STARD13: variants seen among roughly 807,000 people sequenced by gnomAD.
STARD13 encodes StAR related lipid transfer domain containing 13.
In STARD13, 62 loss-of-function variants were observed where a neutral mutation model predicts 106.4. That is an observed-to-expected ratio of 0.58 (90% CI 0.48 to 0.72). STARD13 has a LOEUF of 0.72. Among genes scored for constraint, STARD13 ranks in the 30% least tolerant of loss-of-function variants. STARD13 has a pLI of 0.00. For missense variants in STARD13, 1,387 were observed against 1,424.0 expected, an observed-to-expected ratio of 0.97 and a Z score of 0.42; for synonymous variants, 565 against 553.0, an observed-to-expected ratio of 1.02 and a Z score of -0.31.
At chr13:33,564,181 C>T in the STARD13 span, among the ~76,000 whole-genome samples, 1 of 131,456 alleles carries the variant, frequency 7.6e-6, no homozygotes, top group Non-Finnish European at 1.6e-5. Context: ...GCACTCCAGC[C>T]TGGCAACAGA....
At chr13:33,140,958 A>G (rs1217792861) in intron 4 of STARD13, among the ~76,000 whole-genome samples, 2 of 152,106 alleles carry the variant, frequency 1.3e-5, no homozygotes, top group Non-Finnish European at 2.9e-5. Context: ...GGGTTTCACC[A>G]TGTGGGTCAG....
the STARD13 span, among the ~76,000 whole-genome samples, chr13:33,491,107 ATGGGCAGGC>A: frequency 6.6e-6 from 1 of 152,230 alleles, no homozygotes; most frequent in Non-Finnish European, 1.5e-5. Flanking sequence ...CCAGTGGTAG[ATGGGCAGGC>A]TGTTTGTAAT....
At chr13:33,480,807 A>G in the STARD13 span, among the ~76,000 whole-genome samples, 1 of 152,192 alleles carries the variant, frequency 6.6e-6, no homozygotes, top group African/African-American at 2.4e-5. Context: ...CTAAAAGGAA[A>G]GAGAACTCCT....
chr13:33,291,324 C>T (rs60639204), intron 1 of STARD13, among the ~76,000 whole-genome samples: 2,211 of 152,194 alleles, frequency 0.015, 43 homozygotes, highest in African/African-American at 0.05. Flanking sequence ...TGTAGTCTCA[C>T]GTTTTTTTCC....
At chr13:33,553,108 T>C in the STARD13 span, among the ~76,000 whole-genome samples, 2 of 152,176 alleles carry the variant, frequency 1.3e-5, no homozygotes, top group Admixed American at 1.3e-4. Flanking sequence ...TTGAAATGGA[T>C]AATTCAATAA....
chr13:33,553,736 C>T, the STARD13 span, among the ~76,000 whole-genome samples: 3 of 151,508 alleles, frequency 2.0e-5, no homozygotes, highest in Non-Finnish European at 4.4e-5. Flanking sequence ...CCCACCACCA[C>T]GCCTGTCTAA....
At chr13:33,386,923 A>G in the STARD13 span, among the ~76,000 whole-genome samples, 1,336 of 152,216 alleles carry the variant, frequency 8.8e-3, 23 homozygotes, top group African/African-American at 0.031. Context: ...GAGAACAGAC[A>G]GGGATTTTTA....
chr13:33,310,461 C>T (rs1893088691), intron 1 of STARD13, among the ~76,000 whole-genome samples: 1 of 152,078 alleles, frequency 6.6e-6, no homozygotes, highest in South Asian at 2.1e-4. Context: ...TCATTGAAGG[C>T]AACTGAGCAG....
rs777218846 is a variant in STARD13, at chr13:33,129,498, C to A, written c.1179G>T (p.Leu393Phe). ...RMHEFHSQEN[L>F]VVHIPKDHKP... ...TGTGATCCTTGGGAATATGCACCAC[C>A]AAATTCTCTTGGGAGTGAAATTCAT... Residue 393 changes from leucine to phenylalanine, a missense_variant, in exon 5 of 14, where the codon TTG (leucine) becomes TTT (phenylalanine). By Grantham distance (22) the Leu-to-Phe change is conservative. Transcript: ENST00000336934. The A allele has an allele frequency of 2.0e-5, 33 of 1,614,098 alleles. No individual in the cohort carries two copies. Among genetic ancestry groups the A allele is most frequent in the Non-Finnish European group, 2.7e-5 (32 of 1,180,056 alleles).
At chr13:33,206,698 G>T (rs1239785159) in intron 1 of STARD13, among the ~76,000 whole-genome samples, 2 of 152,186 alleles carry the variant, frequency 1.3e-5, no homozygotes, top group African/African-American at 2.4e-5. Context: ...GGTTGAACAG[G>T]TGACTGTGGA....
the STARD13 span, among the ~76,000 whole-genome samples, chr13:33,561,541 T>C: frequency 6.6e-6 from 1 of 151,520 alleles, no homozygotes; most frequent in Non-Finnish European, 1.5e-5. Flanking sequence ...TTTAGATATG[T>C]GTTACAAATT....
chr13:33,366,190 T>C, the STARD13 span, among the ~76,000 whole-genome samples: 21 of 152,154 alleles, frequency 1.4e-4, no homozygotes, highest in Non-Finnish European at 2.4e-4. The surrounding 1 kb of genome is among the most constrained non-coding windows in gnomAD (Gnocchi z 4.2). Flanking sequence ...ATGTATATAT[T>C]ACTGGACTAC....
chr13:33,108,508 A>G (rs773159488), intron 12 of STARD13, among the ~76,000 whole-genome samples: 2 of 152,226 alleles, frequency 1.3e-5, no homozygotes, highest in Non-Finnish European at 2.9e-5. Flanking sequence ...TCCTCCCAGG[A>G]TAAGTAAGCC....
rs184658054 is a variant in STARD13 at position 33,253,935 on chromosome 13, C to T, written c.169+31535G>A. 3.7e-4 allele frequency among the ~76,000 whole-genome samples: 57 copies of T among 152,328 alleles called. No homozygotes were observed. In the East Asian group the frequency reaches 4.0e-3, roughly 11 times the overall value. ...AGGCCTGCCACAGACCATGGGGGAA[C>T]ACCCTGTCCAGGTGTGCTGTCAATT... On this transcript the variant is annotated intron_variant, in intron 1 of 13. Transcript: ENST00000336934.
chr13:33,423,146 G>A, the STARD13 span, among the ~76,000 whole-genome samples: 1 of 152,178 alleles, frequency 6.6e-6, no homozygotes, highest in Non-Finnish European at 1.5e-5. Context: ...TACCATCAGA[G>A]TGAACAGGCA....
the STARD13 span, among the ~76,000 whole-genome samples, chr13:33,442,968 A>G: frequency 1.3e-5 from 2 of 152,182 alleles, no homozygotes; most frequent in African/African-American, 4.8e-5. Context: ...ATAGGGAGTT[A>G]TTGATTAATT....
intron 1 of STARD13, among the ~76,000 whole-genome samples, chr13:33,303,768 G>C (rs975941336): frequency 1.3e-5 from 2 of 152,182 alleles, no homozygotes; most frequent in African/African-American, 4.8e-5. Flanking sequence ...CACTCAGTGA[G>C]AAGGTCTTAT....
chr13:33,359,220 G>A, the STARD13 span, among the ~76,000 whole-genome samples: 27 of 152,144 alleles, frequency 1.8e-4, no homozygotes, highest in African/African-American at 6.3e-4. Flanking sequence ...GAGCTGCTAT[G>A]AGCTGTAACA....
At chr13:33,460,963 G>A in the STARD13 span, among the ~76,000 whole-genome samples, 1 of 152,080 alleles carries the variant, frequency 6.6e-6, no homozygotes, top group African/African-American at 2.4e-5. Context: ...AAATAATTAG[G>A]CCAAGTGAAA....
Sources: gnomAD v4.1 joint callset for allele counts (sites outside exome capture counted in the v4.1 genomes callset) on GRCh38, gnomAD v4.1.1 for gene constraint, Gnocchi (gnomAD v3.1) non-coding constraint, MANE v1.5 for transcripts, NCBI Gene and HGNC (gene_info 2026-07-23, HGNC 2026-07-21) for gene names.